LMNTD1: variants seen among roughly 807,000 people sequenced by gnomAD.
LMNTD1 encodes lamin tail domain containing 1.
In LMNTD1, 35 loss-of-function variants were observed where a neutral mutation model predicts 50.9. The observed-to-expected ratio is 0.69, with a 90% CI of 0.53 to 0.91. The LOEUF (loss-of-function observed/expected upper bound fraction) is 0.91, where lower values mean the gene tolerates loss of function less well. Among genes scored for constraint, LMNTD1 ranks in the 40% least tolerant of loss-of-function variants. LMNTD1 has a pLI of 0.00. For synonymous variants in LMNTD1, 153 were observed against 161.9 expected (o/e 0.94, Z 0.42); for missense variants, 470 against 475.5 (o/e 0.99, Z 0.11).
chr12:25,513,128 A>C (rs1940434577), intron 8 of LMNTD1, among the ~76,000 whole-genome samples: 1 of 152,218 alleles, frequency 6.6e-6, no homozygotes, highest in South Asian at 2.1e-4. Flanking sequence ...GCTAATTCCC[A>C]CAGGAACAAA....
chr12:25,509,359 C>T (rs551603750), intron 8 of LMNTD1, among the ~76,000 whole-genome samples: 3 of 152,316 alleles, frequency 2.0e-5, no homozygotes, highest in East Asian at 1.9e-4. Flanking sequence ...CTGCCTGCCT[C>T]GGCCTCCCAA....
intron 9 of LMNTD1, among the ~76,000 whole-genome samples, chr12:25,478,877 A>ATTTTTT (rs35152375): frequency 6.8e-6 from 1 of 147,450 alleles, no homozygotes; most frequent in Non-Finnish European, 1.5e-5. Flanking sequence ...GCAGGTCATG[A>ATTTTTT]TTTTTTTTTT....
chr12:25,482,536 C>T (rs1402451457), intron 9 of LMNTD1, among the ~76,000 whole-genome samples: 2 of 151,980 alleles, frequency 1.3e-5, no homozygotes, highest in African/African-American at 4.8e-5. Context: ...TTCCTTTGAA[C>T]AAAATCAGCT....
At chr12:25,520,887 T>C (rs7134760) in intron 6 of LMNTD1, among the ~76,000 whole-genome samples, 51,831 of 152,128 alleles carry the variant, frequency 0.34, 9,780 homozygotes, top group East Asian at 0.43. Flanking sequence ...TTGTCTTTTT[T>C]GGAATAACCA....
chr12:25,637,488 C>T (rs1946860552), intron 1 of LMNTD1, among the ~76,000 whole-genome samples: 1 of 152,042 alleles, frequency 6.6e-6, no homozygotes, highest in Non-Finnish European at 1.5e-5. Flanking sequence ...AAATTCACTA[C>T]AGAACTTTAA....
At chr12:25,644,124 G>A (rs932333719) in intron 1 of LMNTD1, among the ~76,000 whole-genome samples, 14 of 152,000 alleles carry the variant, frequency 9.2e-5, no homozygotes, top group Non-Finnish European at 1.5e-4. Context: ...GTGCACATAG[G>A]ATCTAGCAAT....
At chr12:25,513,950 T>C (rs1940532060) in intron 8 of LMNTD1, among the ~76,000 whole-genome samples, 1 of 149,986 alleles carries the variant, frequency 6.7e-6, no homozygotes, top group Non-Finnish European at 1.5e-5. Context: ...TCATATACCA[T>C]GACTCAGTAT....
chr12:25,521,927 A>G (rs987331332), intron 6 of LMNTD1, among the ~76,000 whole-genome samples: 2 of 152,230 alleles, frequency 1.3e-5, no homozygotes, highest in African/African-American at 2.4e-5. Flanking sequence ...AAAATTATTC[A>G]GGAAAATCCT....
chr12:25,576,469 G>T (rs1322424472), intron 1 of LMNTD1, among the ~76,000 whole-genome samples: 1 of 152,080 alleles, frequency 6.6e-6, no homozygotes, highest in Non-Finnish European at 1.5e-5. Flanking sequence ...TCATGTGTCT[G>T]TTGGCTGCAT....
intron 1 of LMNTD1, among the ~76,000 whole-genome samples, chr12:25,574,327 G>T (rs973501698): frequency 2.6e-5 from 4 of 151,980 alleles, no homozygotes; most frequent in Admixed American, 2.0e-4. Context: ...TAATCTGTGT[G>T]GTATCTTTGC....
intron 1 of LMNTD1, among the ~76,000 whole-genome samples, chr12:25,640,964 G>A (rs1038541090): frequency 6.6e-6 from 1 of 152,184 alleles, no homozygotes; most frequent in African/African-American, 2.4e-5. Flanking sequence ...ACCGTGCCCA[G>A]CCAGAAAAGT....
intron 1 of LMNTD1, among the ~76,000 whole-genome samples, chr12:25,637,756 A>AT (rs1158075350): frequency 1.3e-5 from 2 of 152,126 alleles, no homozygotes; most frequent in Non-Finnish European, 2.9e-5. Flanking sequence ...CAATTTAAAG[A>AT]TGGGTAAAGG....
intron 9 of LMNTD1, among the ~76,000 whole-genome samples, chr12:25,483,205 G>T (rs1591816062): frequency 6.6e-6 from 1 of 150,888 alleles, no homozygotes; most frequent in South Asian, 2.1e-4. Context: ...TGGGAGCACT[G>T]CCTGAACTCA....
At chr12:25,593,322 C>T (rs185684122) in intron 1 of LMNTD1, among the ~76,000 whole-genome samples, 1 of 152,318 alleles carries the variant, frequency 6.6e-6, no homozygotes, top group Non-Finnish European at 1.5e-5. Context: ...TCCCCTGCCA[C>T]CTCCACCAGA....
At chr12:25,628,775 C>T (rs894773171) in intron 1 of LMNTD1, among the ~76,000 whole-genome samples, 2 of 152,160 alleles carry the variant, frequency 1.3e-5, no homozygotes, top group Admixed American at 6.5e-5. Context: ...ATGAATTCCC[C>T]TCGTATCACC....
intron 9 of LMNTD1, among the ~76,000 whole-genome samples, chr12:25,495,249 CGTGTGTGTGTGT>C (rs1207389869): frequency 4.1e-5 from 6 of 144,668 alleles, no homozygotes; most frequent in Non-Finnish European, 6.0e-5. Flanking sequence ...AAAGTGTGTA[CGTGTGTGTGTGT>C]GTGTGTGTGT....
At chr12:25,515,658 G>A (rs980628676) in intron 8 of LMNTD1, among the ~76,000 whole-genome samples, 1 of 152,054 alleles carries the variant, frequency 6.6e-6, no homozygotes, top group Non-Finnish European at 1.5e-5. Flanking sequence ...CATTATACTT[G>A]CTGTATTTTA....
At chr12:25,492,344 A>G (rs1449533051) in intron 9 of LMNTD1, among the ~76,000 whole-genome samples, 1 of 152,210 alleles carries the variant, frequency 6.6e-6, no homozygotes, top group African/African-American at 2.4e-5. Context: ...ATTTCCCTAT[A>G]GCATATTTTC....
intron 4 of LMNTD1, among the ~76,000 whole-genome samples, chr12:25,531,729 T>C (rs1942239687): frequency 6.6e-6 from 1 of 152,214 alleles, no homozygotes; most frequent in Non-Finnish European, 1.5e-5. Flanking sequence ...TCAATACCAT[T>C]CTACCTCAAT....
Sources: gnomAD v4.1 joint callset for allele counts (sites outside exome capture counted in the v4.1 genomes callset) on GRCh38, gnomAD v4.1.1 for gene constraint, MANE v1.5 for transcripts, NCBI Gene and HGNC (gene_info 2026-07-23, HGNC 2026-07-21) for gene names.